ADGRV1: variants seen among roughly 807,000 people sequenced by gnomAD.
The protein encoded by ADGRV1 is adhesion G protein-coupled receptor V1, also known as G-protein coupled receptor 98.
Under a neutral mutation model 596.2 loss-of-function variants are expected in ADGRV1, and 359 were observed. The ratio of observed to expected loss-of-function variants is 0.60; its 90% confidence interval spans 0.55 to 0.66. ADGRV1 has a LOEUF of 0.66. Ranked by LOEUF, ADGRV1 falls within the 30% of genes least tolerant of loss-of-function variation. ADGRV1 has a pLI of 0.00. For missense variants in ADGRV1, 7,274 were observed against 7,575.6 expected (o/e 0.96, Z 1.48); for synonymous variants, 2,681 against 2,679.2 (o/e 1.00, Z -0.02).
chr5:90,979,676 C>T (rs1351068077), intron 84 of ADGRV1, among the ~76,000 whole-genome samples: 1 of 152,168 alleles, frequency 6.6e-6, no homozygotes, highest in East Asian at 1.9e-4. Flanking sequence ...AGTCTGCATA[C>T]ATCCATGCCA....
At chr5:91,023,402 A>C (rs188538263) in intron 85 of ADGRV1, among the ~76,000 whole-genome samples, 28 of 152,284 alleles carry the variant, frequency 1.8e-4, no homozygotes, top group African/African-American at 6.0e-4. Context: ...TGAGGTGATA[A>C]AGTGGGAATG....
intron 83 of ADGRV1, among the ~76,000 whole-genome samples, chr5:90,900,217 G>A (rs1474470764): frequency 1.3e-5 from 2 of 151,860 alleles, no homozygotes; most frequent in Non-Finnish European, 2.9e-5. Context: ...AATTTTATGA[G>A]CAGAAAGTAG....
At chr5:90,574,356 G>A (rs765992961) in intron 1 of ADGRV1, among the ~76,000 whole-genome samples, 1 of 151,942 alleles carries the variant, frequency 6.6e-6, no homozygotes, top group Non-Finnish European at 1.5e-5. Flanking sequence ...TCCCCTTATA[G>A]AGATCTTTCA....
chr5:90,847,942 G>A (rs895013109), intron 78 of ADGRV1, among the ~76,000 whole-genome samples: 7 of 152,178 alleles, frequency 4.6e-5, no homozygotes, highest in East Asian at 3.9e-4. Context: ...CCTCAAGCGC[G>A]GCCAGAGTGG....
chr5:91,090,287 T>A (rs1790272054), intron 86 of ADGRV1, among the ~76,000 whole-genome samples: 1 of 152,188 alleles, frequency 6.6e-6, no homozygotes, highest in East Asian at 1.9e-4. Flanking sequence ...TAATAGTTTT[T>A]GCGAGGTCTG....
At chr5:90,619,565 A>G (rs1561395741) in intron 4 of ADGRV1, among the ~76,000 whole-genome samples, 1 of 152,142 alleles carries the variant, frequency 6.6e-6, no homozygotes, top group African/African-American at 2.4e-5. Context: ...TTAATGGGAG[A>G]TGAGAAAGCA....
chr5:90,985,521 C>T lies in ADGRV1; in HGVS notation c.18151C>T (p.Leu6051=). 1 of 1,612,336 alleles carries T rather than the reference C, an allele frequency of 6.2e-7. No individual in the cohort carries two copies. ...GATCTATGGACTCATTCATGGTGAC[C>T]TGTAAGTACACCCAGGCAACACATT... is the stretch of plus-strand genomic sequence containing the variant. ...SQIYGLIHGD[L]CFIPNVYAAL... is the part of the protein sequence containing the mutation. The change falls in exon 85 of 90, where the codon CTG becomes TTG. Residue 6051 remains leucine, a splice_region_variant and synonymous_variant. Coordinates refer to ENST00000405460, the MANE Select transcript of ADGRV1 (RefSeq NM_032119.4).
chr5:90,759,629 G>A, intron 58 of ADGRV1, 41 bp downstream of exon 58: 1 of 1,556,198 alleles, frequency 6.4e-7, no homozygotes, highest in Non-Finnish European at 8.8e-7. Context: ...TTTCAGGCTA[G>A]CGTTTCATGT....
chr5:91,098,297 C>G (rs1410637543), intron 86 of ADGRV1, among the ~76,000 whole-genome samples: 1 of 151,090 alleles, frequency 6.6e-6, no homozygotes, highest in Non-Finnish European at 1.5e-5. Flanking sequence ...TCATCACCAT[C>G]ACCCCCTCCC....
chr5:90,710,449 T>A (rs1328498453), intron 39 of ADGRV1, among the ~76,000 whole-genome samples: 2 of 152,208 alleles, frequency 1.3e-5, no homozygotes, highest in African/African-American at 2.4e-5. Flanking sequence ...AAGTTTACTT[T>A]GATATTAATC....
chr5:91,075,026 G>A (rs1367683927), intron 86 of ADGRV1, among the ~76,000 whole-genome samples: 1 of 152,034 alleles, frequency 6.6e-6, no homozygotes, highest in Non-Finnish European at 1.5e-5. Flanking sequence ...ACTTTTTAAT[G>A]GGCTTGTTTG....
chr5:91,160,658 G>T (rs1207485967), intron 89 of ADGRV1, among the ~76,000 whole-genome samples: 1 of 151,456 alleles, frequency 6.6e-6, no homozygotes, highest in Non-Finnish European at 1.5e-5. Flanking sequence ...TGAAATTTAA[G>T]CATGGAAACA....
chr5:90,822,643 T>C (rs1763679759), intron 75 of ADGRV1, among the ~76,000 whole-genome samples: 3 of 152,194 alleles, frequency 2.0e-5, no homozygotes, highest in Non-Finnish European at 4.4e-5. Flanking sequence ...AACTTTAAAG[T>C]AGTTTTTTCC....
At position 90,685,882 on chromosome 5, in the gene ADGRV1, T is replaced by C; in HGVS notation, c.6377T>C (p.Ile2126Thr). ...AFGTLQLSAP[I>T]VRVAENHVGP... ...GGAACTCTTCAGCTCTCAGCACCAA[T>C]TGTCCGAGTGGCAGAAAATCATGTT... Residue 2126 changes from isoleucine (I) to threonine (T), a missense_variant, in exon 29 of 90, where the codon ATT (isoleucine) becomes ACT (threonine). Physicochemically the swap from Ile to Thr is moderately conservative, Grantham distance 89 (BLOSUM62 -1). Transcript: ENST00000405460. 6.2e-7 allele frequency: 1 copy of C among 1,612,554 alleles called. No homozygotes were observed. The highest frequency in any genetic ancestry group is 8.5e-7 in the Non-Finnish European group (1 of 1,178,970).
Position 90,685,852 on chromosome 5 carries a change from C to T in ADGRV1, c.6347C>T (p.Ala2116Val). Residue 2116 changes from alanine to valine, a missense_variant, in exon 29 of 90, where the codon GCA becomes GTA. Physicochemically the swap from Ala to Val is moderately conservative, Grantham distance 64. Transcript: ENST00000405460. ...AQLIIIANDD[A>V]FGTLQLSAPI... is the part of the protein sequence containing the mutation. ...CTAATTATCATTGCCAATGATGATG[C>T]ATTTGGAACTCTTCAGCTCTCAGCA... 6.2e-7 allele frequency: 1 copy of T among 1,612,206 alleles called. No homozygotes were observed. Among genetic ancestry groups the T allele is most frequent in the Non-Finnish European group, 8.5e-7 (1 of 1,178,798 alleles).
intron 29 of ADGRV1, among the ~76,000 whole-genome samples, chr5:90,687,517 G>C (rs551534565): frequency 7.2e-4 from 109 of 152,168 alleles, no homozygotes; most frequent in African/African-American, 2.4e-3. Context: ...CTCACCACTC[G>C]TATTCAACAT....
chr5:90,721,815 A>C (rs994816364), intron 45 of ADGRV1, among the ~76,000 whole-genome samples: 6 of 152,102 alleles, frequency 3.9e-5, no homozygotes, highest in African/African-American at 1.4e-4. Flanking sequence ...GTAGAGATTG[A>C]TTATGCAAAG....
Position 90,985,325 on chromosome 5 carries a change from A to G in ADGRV1, c.17974-19A>G, listed in dbSNP as rs765336990. On this transcript the variant is annotated intron_variant, in intron 84 of 89. Transcript: ENST00000405460. ...CATTAAAGAAGAGCCTGTTCATTTT[A>G]TGTTGTTTTCTTCCTTAGTCTGTGA... is the stretch of plus-strand genomic sequence containing the variant. 8.3e-6 allele frequency: 13 copies of G among 1,569,878 alleles called. No homozygotes were observed. The highest frequency in any genetic ancestry group is 1.8e-5 in the Admixed American group (1 of 56,562).
chr5:91,015,411 T>A (rs775091883), intron 85 of ADGRV1, among the ~76,000 whole-genome samples: 1 of 151,972 alleles, frequency 6.6e-6, no homozygotes, highest in Non-Finnish European at 1.5e-5. Flanking sequence ...TGGTCCAACT[T>A]TGAGTTCAGG....
Sources: gnomAD v4.1 joint callset for allele counts (sites outside exome capture counted in the v4.1 genomes callset) on GRCh38, gnomAD v4.1.1 for gene constraint, MANE v1.5 for transcripts, NCBI Gene and HGNC (gene_info 2026-07-23, HGNC 2026-07-21) for gene names.